Variants in DNM1L observed in about 807,000 individuals in gnomAD.
DNM1L encodes the protein dynamin-1-like protein.
DNM1L carries 33 observed loss-of-function variants against 92.8 expected under a neutral mutation model. The ratio of observed to expected loss-of-function variants is 0.36; its 90% confidence interval spans 0.27 to 0.48. DNM1L has a LOEUF of 0.48. Among genes scored for constraint, DNM1L ranks in the 20% least tolerant of loss-of-function variants. The probability of loss-of-function intolerance (pLI) is 0.99; values close to 1 mark genes in which losing one functional copy is unlikely to be tolerated. For missense variants in DNM1L, 485 were observed against 888.8 expected, an observed-to-expected ratio of 0.55 and a Z score of 5.78; for synonymous variants, 284 against 305.0, an observed-to-expected ratio of 0.93 and a Z score of 0.72.
chr12:32,699,570 C>T (rs949329452), intron 1 of DNM1L, among the ~76,000 whole-genome samples: 4 of 151,678 alleles, frequency 2.6e-5, no homozygotes, highest in East Asian at 1.9e-4. Context: ...CTGAGGCGGG[C>T]GGATCACTTG....
intron 1 of DNM1L, among the ~76,000 whole-genome samples, chr12:32,690,169 G>T (rs1282662109): frequency 6.6e-6 from 1 of 152,214 alleles, no homozygotes; most frequent in East Asian, 1.9e-4. Flanking sequence ...GAAGAAGCCA[G>T]TACCATTTAT....
At chr12:32,696,499 G>A (rs183555615) in intron 1 of DNM1L, among the ~76,000 whole-genome samples, 65 of 152,010 alleles carry the variant, frequency 4.3e-4, no homozygotes, top group African/African-American at 1.5e-3. Flanking sequence ...TTACTTGGAA[G>A]GCTGAGAGGA....
At chr12:32,716,929 C>T (rs1953407597) in intron 6 of DNM1L, among the ~76,000 whole-genome samples, 1 of 146,320 alleles carries the variant, frequency 6.8e-6, no homozygotes, top group East Asian at 2.0e-4. Context: ...AATGGGACTG[C>T]TAATTTAACT....
chr12:32,708,007 G>A, intron 3 of DNM1L, 146 bp from the exon 4 acceptor site: 1 of 546,358 alleles, frequency 1.8e-6, no homozygotes, highest in Non-Finnish European at 3.3e-6. Flanking sequence ...TAAATCCTTA[G>A]CTCAGAAAAT....
chr12:32,739,893 A>G, intron 16 of DNM1L, 171 bp from the exon 17 acceptor site: 3 of 757,776 alleles, frequency 4.0e-6, no homozygotes, highest in Non-Finnish European at 2.2e-6. Context: ...TAGATAGGTC[A>G]GGGTTCCAGT....
chr12:32,714,942 G>C (rs1461083253), intron 6 of DNM1L, among the ~76,000 whole-genome samples: 2 of 152,082 alleles, frequency 1.3e-5, no homozygotes, highest in Admixed American at 1.3e-4. Flanking sequence ...AGAGGTTGCA[G>C]TGAGCCGAGA....
At position 32,711,189 on chromosome 12, in the gene DNM1L, C is replaced by T. The variant is rs1953110948; in HGVS notation, c.456+174C>T. ...TTTACTTGGCTTCCAGGATACCACACTCTACAGGTTTATCTCCAGTCTCAC... is the reference window on the plus strand; with the variant it reads ...TTTACTTGGCTTCCAGGATACCACATTCTACAGGTTTATCTCCAGTCTCAC... On this transcript the variant is annotated intron_variant, in intron 5 of 19. Coordinates refer to ENST00000549701, the MANE Select transcript of DNM1L (RefSeq NM_012062.5). The T allele has an allele frequency of 6.4e-6, 4 of 621,888 alleles. No individual in the cohort carries two copies. In the East Asian group the frequency reaches 1.2e-4, roughly 19 times the overall value. 38.5% of individuals were successfully genotyped at this position (621,888 alleles called of 1,614,324 possible).
At chr12:32,680,685 AAACAAATTAC>A (rs1951770883) in intron 1 of DNM1L, among the ~76,000 whole-genome samples, 1 of 152,214 alleles carries the variant, frequency 6.6e-6, no homozygotes, top group Non-Finnish European at 1.5e-5. Context: ...CAGAAGCATC[AAACAAATTAC>A]GAGGATTATT....
chr12:32,729,386 T>G (rs1291071507), intron 9 of DNM1L, among the ~76,000 whole-genome samples: 3 of 151,990 alleles, frequency 2.0e-5, no homozygotes, highest in Non-Finnish European at 4.4e-5. Context: ...CAGCCGAAAT[T>G]CTTATCTATT....
intron 16 of DNM1L, 32 bp from the exon 17 acceptor site, chr12:32,740,032 T>C: frequency 6.2e-7 from 1 of 1,614,044 alleles, no homozygotes; most frequent in Non-Finnish European, 8.5e-7. Context: ...AGATATGATG[T>C]GGTTGGTATG....
In DNM1L at chr12:32,722,642, G is replaced by C; in HGVS notation, c.1079+9G>C. On this transcript the variant is annotated intron_variant, in intron 9 of 19. Transcript: ENST00000549701. The stretch of plus-strand genomic sequence containing the variant: ...ATTGAAACTTCGGAGCTGTAAGTAA[G>C]AAATTTTTCTGTAGATTTGGTTACC... 6.2e-7 allele frequency: 1 copy of C among 1,607,288 alleles called. No individual in the cohort carries two copies. The highest frequency in any genetic ancestry group is 8.5e-7 in the Non-Finnish European group (1 of 1,176,362).
intron 1 of DNM1L, among the ~76,000 whole-genome samples, chr12:32,693,383 C>G (rs1159260642): frequency 6.6e-6 from 1 of 152,146 alleles, no homozygotes; most frequent in Non-Finnish European, 1.5e-5. Flanking sequence ...TTACCAGTTA[C>G]TTATGGATCA....
rs1164902793 is a variant in DNM1L, at chr12:32,710,781, T to C, written c.370-148T>C. ...ATGGCTGGCTACCTGACTTCCCATG[T>C]GTTTCATCAGGTTTTGATTGTTAAA... On this transcript the variant is annotated intron_variant, in intron 4 of 19. Transcript: ENST00000549701. 5 of 632,508 alleles carry C rather than the reference T, an allele frequency of 7.9e-6. No homozygotes were observed. The Admixed American group carries it at 1.4e-4, about 18-fold the overall frequency. The allele number at this position is 632,508 out of a possible 1,614,324, so 39.2% of individuals were successfully genotyped here. A position where few individuals can be genotyped will look rare whatever the true frequency, so the allele number is the denominator to read the frequency against.
chr12:32,733,054 C>T (rs971146595), intron 12 of DNM1L, among the ~76,000 whole-genome samples: 4 of 152,192 alleles, frequency 2.6e-5, no homozygotes, highest in Admixed American at 2.0e-4. Flanking sequence ...GAGCCGAGAT[C>T]GCGCCATTGC....
At chr12:32,679,713 T>C (rs1951730667) in intron 1 of DNM1L, 3 of 1,193,448 alleles carry the variant, frequency 2.5e-6, no homozygotes, top group Admixed American at 9.5e-5. Context: ...CGGGCCTGGC[T>C]AGCCCGGCGG....
At chr12:32,730,929 G>A (rs1954514252) in intron 9 of DNM1L, 85 bp from the exon 10 acceptor site, 3 of 1,585,674 alleles carry the variant, frequency 1.9e-6, no homozygotes, top group African/African-American at 2.7e-5. Flanking sequence ...AATAAGATGA[G>A]CTTAAAGCTT....
intron 9 of DNM1L, among the ~76,000 whole-genome samples, chr12:32,724,713 A>G (rs374405939): frequency 6.7e-6 from 1 of 148,330 alleles, no homozygotes; most frequent in South Asian, 2.1e-4. Flanking sequence ...CACAAAGATC[A>G]CTAACTGATA....
At chr12:32,688,036 C>T (rs1456248343) in intron 1 of DNM1L, among the ~76,000 whole-genome samples, 1 of 152,102 alleles carries the variant, frequency 6.6e-6, no homozygotes, top group Non-Finnish European at 1.5e-5. Flanking sequence ...AGCGATCCAA[C>T]CACCTCAGGC....
Position 32,715,905 on chromosome 12 carries a change from G to A in DNM1L, c.619+2534G>A, listed in dbSNP as rs577663329. ...GTCCCGTTCCTAGGTGTTTAACCAT[G>A]TTAAGTGAGAACCAGTGTTCATATA... On this transcript the variant is annotated intron_variant, in intron 6 of 19. Transcript: ENST00000549701. Among the ~76,000 whole-genome samples the A allele has an allele frequency of 2.0e-5, 3 of 152,278 alleles. No homozygotes were observed. In the East Asian group the frequency reaches 5.8e-4, roughly 29 times the overall value.
Sources: gnomAD v4.1 joint callset for allele counts (sites outside exome capture counted in the v4.1 genomes callset) on GRCh38, gnomAD v4.1.1 for gene constraint, MANE v1.5 for transcripts, NCBI Gene and HGNC (gene_info 2026-07-23, HGNC 2026-07-21) for gene names.